Variants in DNAH6 observed in about 807,000 individuals in gnomAD.
DNAH6 encodes the protein dynein axonemal heavy chain 6.
In DNAH6, 340 loss-of-function variants were observed where a neutral mutation model predicts 491.4. The ratio of observed to expected loss-of-function variants is 0.69; its 90% confidence interval spans 0.63 to 0.76. The LOEUF (loss-of-function observed/expected upper bound fraction) is 0.76. Ranked by LOEUF, DNAH6 falls within the 30% of genes least tolerant of loss-of-function variation. The pLI is 0.00. For missense variants in DNAH6, 4,443 were observed against 4,972.2 expected, an observed-to-expected ratio of 0.89 and a Z score of 3.20; for synonymous variants, 1,603 against 1,686.1, an observed-to-expected ratio of 0.95 and a Z score of 1.21.
chr2:84,736,343 C>T (rs1397702026), intron 62 of DNAH6, among the ~76,000 whole-genome samples: 2 of 151,930 alleles, frequency 1.3e-5, no homozygotes, highest in African/African-American at 4.8e-5. Flanking sequence ...TTTTTGTTTC[C>T]TATGAATTTT....
At position 84,584,118 on chromosome 2, in the gene DNAH6, T is replaced by C. The variant is rs148274182; in HGVS notation, c.2349T>C (p.Ile783=). Residue 783 remains isoleucine, a synonymous_variant, in exon 15 of 77, where the codon ATT becomes ATC. Transcript: ENST00000389394. The stretch of plus-strand genomic sequence containing the variant: ...TTTTTGCAACTATGAAGCCATCCAT[T>C]GTTGCTGTTCGGAATGCCATTGATA... ...FAVFATMKPS[I]VAVRNAIDKS... 2.7e-5 allele frequency: 44 copies of C among 1,614,060 alleles called. No homozygotes were observed. In the African/African-American group the frequency reaches 5.3e-4, roughly 20 times the overall value.
intron 26 of DNAH6, among the ~76,000 whole-genome samples, chr2:84,623,536 A>G (rs1261481940): frequency 6.6e-6 from 1 of 152,162 alleles, no homozygotes; most frequent in Non-Finnish European, 1.5e-5. Context: ...AAATAAAACA[A>G]CTTTATTGAA....
At position 84,517,861 on chromosome 2, in the gene DNAH6, T is replaced by C; in HGVS notation, c.35T>C (p.Leu12Pro). 6.4e-7 allele frequency: 1 copy of C among 1,551,656 alleles called. No homozygotes were observed. Among genetic ancestry groups the C allele is most frequent in the South Asian group, 1.2e-5 (1 of 84,000 alleles). Residue 12 changes from leucine to proline, a missense_variant, in exon 2 of 77, where the codon CTG becomes CCG. Transcript: ENST00000389394. ...TFRATDSEFD[L>P]TNIEEYAENS... Reference sequence around the variant, plus strand: ...CGGGCCACAGATAGTGAATTTGACCTGACAAATATTGAAGAGTATGCCGAA... The same window carrying C: ...CGGGCCACAGATAGTGAATTTGACCCGACAAATATTGAAGAGTATGCCGAA...
intron 31 of DNAH6, among the ~76,000 whole-genome samples, chr2:84,638,294 GA>G (rs1346805478): frequency 6.6e-6 from 1 of 152,036 alleles, no homozygotes; most frequent in African/African-American, 2.4e-5. Context: ...ACAGGTACAT[GA>G]CACTATATCC....
intron 37 of DNAH6, among the ~76,000 whole-genome samples, chr2:84,668,006 A>C (rs1454186430): frequency 6.6e-6 from 1 of 152,040 alleles, no homozygotes; most frequent in Non-Finnish European, 1.5e-5. Context: ...ACCAAACACC[A>C]CATTGTTCTC....
intron 64 of DNAH6, among the ~76,000 whole-genome samples, chr2:84,771,801 T>C (rs1355919759): frequency 1.3e-5 from 2 of 152,182 alleles, no homozygotes; most frequent in African/African-American, 2.4e-5. Context: ...CTGTCACTAG[T>C]AGAACTGCCC....
intron 20 of DNAH6, among the ~76,000 whole-genome samples, chr2:84,606,654 GTGT>G (rs1022997712): frequency 6.6e-6 from 1 of 152,160 alleles, no homozygotes; most frequent in African/African-American, 2.4e-5. Context: ...TGACCAAATT[GTGT>G]TAAGAAGGTA....
chr2:84,793,661 T>A (rs577690863), intron 68 of DNAH6, among the ~76,000 whole-genome samples: 1 of 152,248 alleles, frequency 6.6e-6, no homozygotes, highest in East Asian at 1.9e-4. Context: ...AGAATACTCC[T>A]AGGAAGCTAC....
At chr2:84,590,425 G>A (rs541140934) in intron 16 of DNAH6, among the ~76,000 whole-genome samples, 2 of 150,778 alleles carry the variant, frequency 1.3e-5, no homozygotes, top group African/African-American at 2.4e-5. Flanking sequence ...ATCCCAGGAG[G>A]TGGAGGTTGC....
chr2:84,802,396 G>A (rs924289725), intron 70 of DNAH6, among the ~76,000 whole-genome samples: 9 of 152,162 alleles, frequency 5.9e-5, no homozygotes, highest in Non-Finnish European at 1.3e-4. Context: ...AAAAAGAGCA[G>A]AGGATGCTAT....
chr2:84,780,403 G>A (rs188321407), intron 64 of DNAH6, among the ~76,000 whole-genome samples: 20 of 152,132 alleles, frequency 1.3e-4, no homozygotes, highest in East Asian at 5.8e-4. Flanking sequence ...TCTGAAATTC[G>A]TTTTTTGACT....
chr2:84,766,723 G>A (rs183433449), intron 64 of DNAH6, among the ~76,000 whole-genome samples: 23 of 152,280 alleles, frequency 1.5e-4, no homozygotes, highest in Non-Finnish European at 2.2e-4. Flanking sequence ...CAATGAGCCC[G>A]GCACTCATGG....
chr2:84,800,752 G>C (rs1678808972), intron 70 of DNAH6, among the ~76,000 whole-genome samples: 1 of 152,228 alleles, frequency 6.6e-6, no homozygotes, highest in East Asian at 1.9e-4. Flanking sequence ...TGAGAAATAT[G>C]AGATTATGTA....
At chr2:84,753,842 T>G (rs1673725266) in intron 63 of DNAH6, among the ~76,000 whole-genome samples, 1 of 151,290 alleles carries the variant, frequency 6.6e-6, no homozygotes, top group South Asian at 2.1e-4. Flanking sequence ...TTTTTTTTTT[T>G]TGAGACATAG....
chr2:84,683,387 G>A (rs1693978009), intron 42 of DNAH6, among the ~76,000 whole-genome samples: 2 of 145,620 alleles, frequency 1.4e-5, no homozygotes, highest in African/African-American at 5.1e-5. Context: ...TCCCCATCCA[G>A]TGCCCTTTGT....
intron 64 of DNAH6, among the ~76,000 whole-genome samples, chr2:84,771,514 C>A (rs375110230): frequency 1.1e-4 from 17 of 152,108 alleles, no homozygotes; most frequent in East Asian, 5.8e-4. Flanking sequence ...GACAGCTATA[C>A]CAAGACATGC....
chr2:84,785,810 T>C, intron 67 of DNAH6, 54 bp downstream of exon 67: 3 of 1,387,578 alleles, frequency 2.2e-6, no homozygotes, highest in South Asian at 3.2e-5. Context: ...ATGAAATAAA[T>C]AAATAGTAAT....
chr2:84,686,656 G>A, intron 44 of DNAH6, 99 bp downstream of exon 44: 1 of 755,794 alleles, frequency 1.3e-6, no homozygotes, highest in Non-Finnish European at 2.1e-6. Flanking sequence ...ACATGTGTGA[G>A]GAGTTAAGAT....
At chr2:84,666,592 A>G (rs1328550122) in intron 37 of DNAH6, among the ~76,000 whole-genome samples, 46 of 152,056 alleles carry the variant, frequency 3.0e-4, no homozygotes, top group Admixed American at 3.0e-3. Flanking sequence ...ACTGCTCAAC[A>G]AAATAAAAGA....
Sources: allele counts gnomAD v4.1 joint callset (sites outside exome capture counted in the v4.1 genomes callset), GRCh38; gene constraint gnomAD v4.1.1; transcripts MANE v1.5; gene names NCBI Gene and HGNC (gene_info 2026-07-23, HGNC 2026-07-21).